ADAR: variants seen among roughly 807,000 people sequenced by gnomAD.
ADAR encodes double-stranded RNA-specific adenosine deaminase.
ADAR carries 41 observed loss-of-function variants against 113.2 expected under a neutral mutation model. That is an observed-to-expected ratio of 0.36 (90% CI 0.28 to 0.47). ADAR has a LOEUF of 0.47. Ranked by LOEUF, ADAR falls within the 20% of genes least tolerant of loss-of-function variation. The pLI is 1.00. For synonymous variants in ADAR, 605 were observed against 572.6 expected (o/e 1.06, Z -0.81); for missense variants, 1,242 against 1,540.9 (o/e 0.81, Z 3.25).
intron 1 of ADAR, among the ~76,000 whole-genome samples, chr1:154,603,504 C>T (rs781377227): frequency 2.0e-5 from 3 of 152,162 alleles, no homozygotes; most frequent in Admixed American, 6.5e-5. Context: ...CCAGTCCTAC[C>T]TTCCCTAGCT....
intron 13 of ADAR, 144 bp from the exon 14 acceptor site, chr1:154,585,488 A>G: frequency 8.5e-7 from 1 of 1,176,926 alleles, no homozygotes; most frequent in Non-Finnish European, 1.2e-6. Context: ...GCTAAGACTG[A>G]GCACCCTCTA....
intron 7 of ADAR, 49 bp downstream of exon 7, chr1:154,590,135 A>AGGGGGGGGGGGGGGGG: frequency 8.3e-7 from 1 of 1,205,040 alleles, no homozygotes; most frequent in Non-Finnish European, 1.2e-6. Flanking sequence ...CTTAGGAGTT[A>AGGGGGGGGGGGGGGGG]GGAGGACCCC....
chr1:154,593,152 A>C (rs1016655298), intron 6 of ADAR, among the ~76,000 whole-genome samples: 1 of 151,452 alleles, frequency 6.6e-6, no homozygotes, highest in African/African-American at 2.4e-5. Context: ...AAAAAAAAAA[A>C]AAAACAGAAA....
At chr1:154,608,845 T>TGGGGGGGGG (rs1557898287), upstream of ADAR, 7 of 86,908 alleles carry the variant, frequency 8.1e-5, no homozygotes, top group Admixed American at 1.3e-4. Context: ...GGGGAGGGGA[T>TGGGGGGGGG]GGGCGGGAGC....
At chr1:154,600,917 G>C (rs1697827623) in intron 2 of ADAR, 124 bp downstream of exon 2, 1 of 1,350,236 alleles carries the variant, frequency 7.4e-7, no homozygotes, top group East Asian at 2.3e-5. Flanking sequence ...TAGCTAAAAG[G>C]CAGAAGGGAA....
chr1:154,627,922 C>CCCACCCTCCCCCA, exon 1 of ADAR: 1 of 507,092 alleles, frequency 2.0e-6, no homozygotes, highest in Non-Finnish European at 3.9e-6. Context: ...CGACCCTCCC[C>CCCACCCTCCCCCA]CCACCCTCCC....
chr1:154,590,117 C>T, intron 7 of ADAR, 67 bp downstream of exon 7: 1 of 1,532,046 alleles, frequency 6.5e-7, no homozygotes, highest in South Asian at 1.1e-5. Flanking sequence ...CAGCAAGAGC[C>T]ACCTCCACTT....
Position 154,601,042 on chromosome 1 carries a change from G to A in ADAR, c.1600C>T (p.Arg534Ter), listed in dbSNP as rs1364222107. The stretch of plus-strand genomic sequence containing the variant: ...TACAGTTCCTGGGTGGTCTCTTACC[G>A]AGGTTCATGGGGTGGTCCACTCTGC... ...IEQSGPPHEP[R>*]FKFQVVINGR... The change falls in exon 2 of 15, where the codon CGA (arginine) becomes TGA (stop). Residue 534 changes from arginine (R) to a stop codon, truncating the protein, a stop_gained and splice_region_variant. Transcript: ENST00000368474. LOFTEE classifies it high-confidence loss of function. This position sits in a 1 kb window ranked among gnomAD's most constrained non-coding sequence, Gnocchi z 4.7. 6.2e-7 allele frequency: 1 copy of A among 1,614,102 alleles called. No homozygotes were observed. Among genetic ancestry groups the A allele is most frequent in the Non-Finnish European group, 8.5e-7 (1 of 1,180,020 alleles).
chr1:154,589,777 A>G lies in ADAR; in HGVS notation c.2648T>C (p.Val883Ala). Reference sequence around the variant, plus strand: ...CTCACCTGTTCCCAAGCTGACGACGACACCCATGTCCTCAGAGTCTTTTTT... The same window carrying G: ...CTCACCTGTTCCCAAGCTGACGACGGCACCCATGTCCTCAGAGTCTTTTTT... The part of the protein sequence containing the change: ...IMKKDSEDMG[V>A]VVSLGTGNRC... Residue 883 changes from valine to alanine, a missense_variant, in exon 8 of 15, where the codon GTC becomes GCC. Val to Ala is a moderately conservative substitution (Grantham distance 64). Coordinates refer to ENST00000368474, the MANE Select transcript of ADAR (RefSeq NM_001111.5). 1 of 1,614,102 alleles carries G rather than the reference A, an allele frequency of 6.2e-7. No individual in the cohort carries two copies.
chr1:154,624,248 C>T (rs1698874129), intron 1 of ADAR, among the ~76,000 whole-genome samples: 1 of 152,124 alleles, frequency 6.6e-6, no homozygotes, highest in South Asian at 2.1e-4. Context: ...GATTAATATA[C>T]AGTCCTTTTG....
intron 1 of ADAR, chr1:154,605,876 GGCTAGAGTCAGTTAAAA>G: frequency 1.6e-6 from 1 of 619,098 alleles, no homozygotes; most frequent in Non-Finnish European, 2.0e-6. Flanking sequence ...GTTTCAAAGT[GGCTAGAGTCAGTTAAAA>G]GCTAAATGTT....
At position 154,582,106 on chromosome 1, in the gene ADAR, ATTG is replaced by A. The variant is rs1234764925; in HGVS notation, c.*2697_*2699del. The A allele has an allele frequency of 1.3e-5, 2 of 152,408 alleles. No homozygotes were observed. 9.4% of individuals were successfully genotyped at this position (152,408 alleles called of 1,614,324 possible). On this transcript the variant is annotated 3_prime_UTR_variant, in exon 15 of 15. Transcript: ENST00000368474. ...TTTTTTTTATTTATGAGGAATGTAT[ATTG>A]TTAAGTCACTGTTATCAAGGGACAC...
At chr1:154,618,679 G>A (rs1326429837) in intron 1 of ADAR, among the ~76,000 whole-genome samples, 1 of 151,872 alleles carries the variant, frequency 6.6e-6, no homozygotes, top group Non-Finnish European at 1.5e-5. Context: ...GAGAAAAAGC[G>A]TTATTCAACA....
At chr1:154,588,730 T>G in intron 9 of ADAR, 57 bp from the exon 10 acceptor site, 1 of 1,609,692 alleles carries the variant, frequency 6.2e-7, no homozygotes, top group Non-Finnish European at 8.5e-7. Flanking sequence ...AAGCAGTTGT[T>G]TCTATAATCT....
In ADAR at chr1:154,589,265, C is replaced by T. The variant is rs555179099; in HGVS notation, c.2762+104G>A. On this transcript the variant is annotated intron_variant, in intron 9 of 14. Transcript: ENST00000368474. ...AGGCTGCCACTGCCACATCATGACC[C>T]GTCTGTCTGAGGGGGATTCAGAGGC... The T allele has an allele frequency of 2.1e-4, 191 of 895,610 alleles. No individual in the cohort carries two copies. The Middle Eastern group carries it at 3.8e-3, about 18-fold the overall frequency. 55.5% of individuals were successfully genotyped at this position (895,610 alleles called of 1,614,324 possible). A position where few individuals can be genotyped will look rare whatever the true frequency, so the allele number is the denominator to read the frequency against.
intron 11 of ADAR, 130 bp downstream of exon 11, chr1:154,587,995 C>T (rs12748485): frequency 0.031 from 43,936 of 1,424,890 alleles, 842 homozygotes; most frequent in Non-Finnish European, 0.037. Context: ...CCCAGGTCTT[C>T]CCTTTCCTGT....
At chr1:154,617,380 A>T (rs1698661744) in intron 1 of ADAR, among the ~76,000 whole-genome samples, 1 of 152,146 alleles carries the variant, frequency 6.6e-6, no homozygotes, top group Non-Finnish European at 1.5e-5. Context: ...TACTTTAACA[A>T]AGAAAGTTCA....
intron 1 of ADAR, among the ~76,000 whole-genome samples, chr1:154,623,796 A>T (rs1479435421): frequency 6.6e-6 from 1 of 152,124 alleles, no homozygotes; most frequent in Non-Finnish European, 1.5e-5. Flanking sequence ...TGAGGTCAGG[A>T]GTTCAAGACC....
chr1:154,593,753 A>G (rs1697319531), intron 6 of ADAR, among the ~76,000 whole-genome samples: 2 of 152,248 alleles, frequency 1.3e-5, no homozygotes, highest in South Asian at 2.1e-4. Context: ...AAATTATGTT[A>G]AAAGTTCTTA....
Sources: gnomAD v4.1 joint callset for allele counts (sites outside exome capture counted in the v4.1 genomes callset) on GRCh38, gnomAD v4.1.1 for gene constraint, Gnocchi (gnomAD v3.1) non-coding constraint, MANE v1.5 for transcripts, NCBI Gene and HGNC (gene_info 2026-07-23, HGNC 2026-07-21) for gene names.